ANKRD17: variants seen among roughly 807,000 people sequenced by gnomAD.
ANKRD17 encodes ankyrin repeat domain-containing protein 17.
Under a neutral mutation model 229.7 loss-of-function variants are expected in ANKRD17, and 19 were observed. That is an observed-to-expected ratio of 0.08 (90% CI 0.06 to 0.12). The LOEUF is 0.12. Among genes scored for constraint, ANKRD17 ranks in the 10% least tolerant of loss-of-function variants. ANKRD17 has a pLI of 1.00. For missense variants in ANKRD17, 2,176 were observed against 3,176.8 expected (o/e 0.68, Z 7.57); for synonymous variants, 1,112 against 1,146.1 (o/e 0.97, Z 0.60).
chr4:73,097,063 A>G, intron 27 of ANKRD17, 54 bp downstream of exon 27: 2 of 1,545,380 alleles, frequency 1.3e-6, no homozygotes, highest in Non-Finnish European at 1.7e-6. Context: ...AAGGTAGATA[A>G]CACTTGACTG....
intron 1 of ANKRD17, among the ~76,000 whole-genome samples, chr4:73,233,848 A>T (rs1012342032): frequency 3.9e-5 from 6 of 152,210 alleles, no homozygotes; most frequent in Non-Finnish European, 8.8e-5. Flanking sequence ...CACAGCTGCT[A>T]AGAACTTAGT....
intron 24 of ANKRD17, among the ~76,000 whole-genome samples, chr4:73,109,254 C>T (rs998898266): frequency 1.3e-5 from 2 of 151,070 alleles, no homozygotes; most frequent in Admixed American, 6.6e-5. Context: ...GAGCTGAGAT[C>T]GCACCACTGC....
intron 10 of ANKRD17, 106 bp downstream of exon 10, chr4:73,146,658 A>G: frequency 1.2e-6 from 1 of 836,236 alleles, no homozygotes. Flanking sequence ...AAATAAAAAA[A>G]ACAATAAAAC....
chr4:73,120,108 G>A (rs936037889), intron 21 of ANKRD17, 54 bp downstream of exon 21: 12 of 1,530,794 alleles, frequency 7.8e-6, no homozygotes, highest in Non-Finnish European at 1.1e-5. Context: ...TAGAGAGAAT[G>A]ATAACCACTA....
At chr4:73,099,266 G>T in intron 25 of ANKRD17, 1 of 552,420 alleles carries the variant, frequency 1.8e-6, no homozygotes. Context: ...GCCTCCGGCT[G>T]CCACCCCCAT....
intron 1 of ANKRD17, among the ~76,000 whole-genome samples, chr4:73,190,169 G>C (rs1736861719): frequency 6.6e-6 from 1 of 152,094 alleles, no homozygotes; most frequent in Non-Finnish European, 1.5e-5. Context: ...AGGAGTTCGA[G>C]ACCAGCCTGG....
At chr4:73,136,839 C>T (rs1047482012) in intron 15 of ANKRD17, among the ~76,000 whole-genome samples, 5 of 151,846 alleles carry the variant, frequency 3.3e-5, no homozygotes, top group African/African-American at 1.2e-4. Context: ...AGGATGAACA[C>T]CAGTCTGTCC....
intron 10 of ANKRD17, 21 bp downstream of exon 10, chr4:73,146,743 T>A (rs945135539): frequency 2.0e-6 from 3 of 1,518,030 alleles, no homozygotes; most frequent in East Asian, 4.6e-5. Context: ...ATATTAAGAT[T>A]TAAAAAGTAA....
intron 23 of ANKRD17, among the ~76,000 whole-genome samples, chr4:73,114,638 GTCTTAT>G (rs990824872): frequency 2.0e-5 from 3 of 151,902 alleles, no homozygotes; most frequent in African/African-American, 7.3e-5. Flanking sequence ...CACTGAACCA[GTCTTAT>G]TCTTAGTATT....
chr4:73,103,307 A>G (rs1356583094), intron 24 of ANKRD17, among the ~76,000 whole-genome samples: 1 of 152,152 alleles, frequency 6.6e-6, no homozygotes, highest in Non-Finnish European at 1.5e-5. Flanking sequence ...AAAAACCATA[A>G]AAGTTATAAA....
chr4:73,205,020 T>C (rs144636889), intron 1 of ANKRD17, among the ~76,000 whole-genome samples: 23 of 152,102 alleles, frequency 1.5e-4, no homozygotes, highest in Middle Eastern at 3.4e-3. Context: ...TTTCAAAATA[T>C]ACTACAAAGC....
Position 73,258,796 on chromosome 4 carries a change from A to G in ANKRD17, c.-128T>C. ...CGCCGCCACCGCCTCGGTCACCTCTACTGCCGCCGCCGCCGCCGCCGCTCC... is the reference window on the plus strand; with the variant it reads ...CGCCGCCACCGCCTCGGTCACCTCTGCTGCCGCCGCCGCCGCCGCCGCTCC... On this transcript the variant is annotated 5_prime_UTR_variant, in exon 1 of 34. Transcript: ENST00000358602. 3 of 1,078,888 alleles carry G rather than the reference A, an allele frequency of 2.8e-6. No homozygotes were observed. Among genetic ancestry groups the G allele is most frequent in the Non-Finnish European group, 3.3e-6 (3 of 897,036 alleles). The allele number at this position is 1,078,888 out of a possible 1,614,324, so 66.8% of individuals were successfully genotyped here.
Position 73,102,491 on chromosome 4 carries a change from C to T in ANKRD17, c.4458G>A (p.Glu1486=), listed in dbSNP as rs1473818567. ...GTTCTTCCTTTTTCTTCCTTCTCTT[C>T]TCTTTTCTTTTTTCTCTTTTCGCAG... ...ALAAKREKRK[E]KRRKKKEEQR... The change falls in exon 25 of 34, where the codon GAG becomes GAA. Residue 1486 remains glutamate, a synonymous_variant. Coordinates refer to ENST00000358602, the MANE Select transcript of ANKRD17 (RefSeq NM_032217.5). 6.2e-7 allele frequency: 1 copy of T among 1,605,370 alleles called. No individual in the cohort carries two copies. The highest frequency in any genetic ancestry group is 8.5e-7 in the Non-Finnish European group (1 of 1,178,128).
chr4:73,105,748 A>G (rs1000861422), intron 24 of ANKRD17, among the ~76,000 whole-genome samples: 2 of 152,236 alleles, frequency 1.3e-5, no homozygotes, highest in Non-Finnish European at 2.9e-5. Flanking sequence ...AATAAGACAT[A>G]GAGATTATTA....
At chr4:73,204,369 A>AG (rs1410798176) in intron 1 of ANKRD17, among the ~76,000 whole-genome samples, 1 of 150,958 alleles carries the variant, frequency 6.6e-6, no homozygotes, top group Non-Finnish European at 1.5e-5. Context: ...AAAAAAAAAA[A>AG]AAAAAAAAAA....
At chr4:73,234,604 C>A (rs531162313) in intron 1 of ANKRD17, among the ~76,000 whole-genome samples, 3 of 152,300 alleles carry the variant, frequency 2.0e-5, no homozygotes, top group African/African-American at 7.2e-5. Context: ...GTAGGGCACG[C>A]GTATACGCAG....
intron 19 of ANKRD17, 78 bp downstream of exon 19, chr4:73,121,539 A>T (rs1190004235): frequency 5.2e-6 from 8 of 1,540,258 alleles, no homozygotes; most frequent in Non-Finnish European, 7.1e-6. Context: ...TAAATTTGGC[A>T]CTAAAAAATA....
At chr4:73,169,453 G>T (rs962443764) in intron 2 of ANKRD17, among the ~76,000 whole-genome samples, 1 of 151,976 alleles carries the variant, frequency 6.6e-6, no homozygotes, top group Non-Finnish European at 1.5e-5. Flanking sequence ...AGGGCCTAGG[G>T]GAACTAGCCA....
chr4:73,246,935 T>C (rs1744558826), intron 1 of ANKRD17, among the ~76,000 whole-genome samples: 1 of 152,162 alleles, frequency 6.6e-6, no homozygotes, highest in Non-Finnish European at 1.5e-5. Context: ...TGTTAAATAC[T>C]GGAGTGAGGA....
Sources: gnomAD v4.1 joint callset for allele counts (sites outside exome capture counted in the v4.1 genomes callset) on GRCh38, gnomAD v4.1.1 for gene constraint, MANE v1.5 for transcripts, NCBI Gene and HGNC (gene_info 2026-07-23, HGNC 2026-07-21) for gene names.